The following COP1 variants were observed in gnomAD, a reference collection of about 807,000 sequenced individuals.
The protein encoded by COP1 is COP1 E3 ubiquitin ligase.
In COP1, 24 loss-of-function variants were observed where a neutral mutation model predicts 101.3. The observed-to-expected ratio is 0.24, with a 90% CI of 0.17 to 0.33. COP1 has a LOEUF of 0.33. Among genes scored for constraint, COP1 ranks in the 10% least tolerant of loss-of-function variants. The pLI, the probability that COP1 is intolerant of heterozygous loss-of-function variation, is 1.00. For synonymous variants in COP1, 347 were observed against 341.9 expected, an observed-to-expected ratio of 1.01 and a Z score of -0.17; for missense variants, 663 against 906.2, an observed-to-expected ratio of 0.73 and a Z score of 3.45.
chr1:176,093,622 G>A (rs1572188623), intron 9 of COP1, among the ~76,000 whole-genome samples: 2 of 152,154 alleles, frequency 1.3e-5, no homozygotes, highest in African/African-American at 4.8e-5. Context: ...GGCAGATCAC[G>A]AGGTCAGGAG....
chr1:176,144,222 A>G (rs977716365), intron 6 of COP1, among the ~76,000 whole-genome samples: 1 of 152,202 alleles, frequency 6.6e-6, no homozygotes, highest in African/African-American at 2.4e-5. Flanking sequence ...GAATCTACAA[A>G]TAAATTAGGA....
At chr1:175,971,834 T>C (rs4650931) in intron 18 of COP1, among the ~76,000 whole-genome samples, 149,969 of 152,274 alleles carry the variant, frequency 0.98, 73,901 homozygotes, top group East Asian at 1. Context: ...GAACCCTGGC[T>C]TATTATCTAA....
At chr1:175,991,258 A>G (rs932833264) in intron 15 of COP1, among the ~76,000 whole-genome samples, 3 of 152,174 alleles carry the variant, frequency 2.0e-5, no homozygotes, top group African/African-American at 7.2e-5. Flanking sequence ...GGAATAGCCT[A>G]TTGTGCTCCT....
intron 18 of COP1, among the ~76,000 whole-genome samples, chr1:175,956,063 A>C (rs1650612723): frequency 1.3e-5 from 2 of 152,192 alleles, no homozygotes; most frequent in African/African-American, 4.8e-5. Flanking sequence ...AGAAAAAATA[A>C]AACTAGGGAC....
intron 5 of COP1, among the ~76,000 whole-genome samples, chr1:176,155,049 T>G (rs1374543478): frequency 6.6e-6 from 1 of 152,144 alleles, no homozygotes; most frequent in Non-Finnish European, 1.5e-5. Flanking sequence ...GTTCATAAAA[T>G]GAGTGACTTA....
At chr1:176,098,289 C>T (rs1311523440) in intron 9 of COP1, among the ~76,000 whole-genome samples, 1 of 151,998 alleles carries the variant, frequency 6.6e-6, no homozygotes, top group Non-Finnish European at 1.5e-5. Context: ...CTAAGAGTTA[C>T]CATTATAATA....
At chr1:176,057,682 C>T (rs1673852875) in intron 11 of COP1, among the ~76,000 whole-genome samples, 1 of 152,196 alleles carries the variant, frequency 6.6e-6, no homozygotes, top group African/African-American at 2.4e-5. Flanking sequence ...TCTCGGCTCG[C>T]TACAACCTCC....
chr1:176,180,429 T>C (rs1451091768), intron 2 of COP1, among the ~76,000 whole-genome samples: 3 of 152,158 alleles, frequency 2.0e-5, no homozygotes, highest in Non-Finnish European at 2.9e-5. Flanking sequence ...GAAGGATAAG[T>C]ATCTAGATTA....
At chr1:176,195,098 G>A (rs982102339) in intron 1 of COP1, among the ~76,000 whole-genome samples, 2 of 138,152 alleles carry the variant, frequency 1.4e-5, no homozygotes, top group Admixed American at 1.5e-4. Context: ...AAGAAGAGAA[G>A]AGAAAAAGGA....
chr1:175,955,844 A>G (rs563452994), intron 18 of COP1, among the ~76,000 whole-genome samples: 3 of 150,660 alleles, frequency 2.0e-5, no homozygotes, highest in African/African-American at 7.3e-5. Flanking sequence ...TAGAGATGTT[A>G]AAGAATACCT....
intron 15 of COP1, among the ~76,000 whole-genome samples, chr1:176,011,545 T>C (rs1664675767): frequency 6.6e-6 from 1 of 152,218 alleles, no homozygotes; most frequent in African/African-American, 2.4e-5. Context: ...CCAGAGAGTA[T>C]GCTTATCATA....
chr1:176,033,545 T>A (rs1374562399), intron 14 of COP1, among the ~76,000 whole-genome samples: 1 of 152,170 alleles, frequency 6.6e-6, no homozygotes, highest in Non-Finnish European at 1.5e-5. Flanking sequence ...CTTTAAAGAA[T>A]GTGTTTAATT....
chr1:176,098,546 T>C (rs191884734), intron 9 of COP1, among the ~76,000 whole-genome samples: 34 of 152,324 alleles, frequency 2.2e-4, no homozygotes, highest in Admixed American at 1.8e-3. Flanking sequence ...CCAAAATAAA[T>C]TCTCTGTGTT....
At chr1:176,167,033 A>G (rs1280669855) in intron 3 of COP1, among the ~76,000 whole-genome samples, 2 of 152,230 alleles carry the variant, frequency 1.3e-5, no homozygotes, top group Admixed American at 6.5e-5. Flanking sequence ...ACTCAGCTTA[A>G]GTGTTTCCTC....
intron 2 of COP1, among the ~76,000 whole-genome samples, chr1:176,178,349 A>AAT (rs1553309291): frequency 5.1e-4 from 77 of 150,932 alleles, no homozygotes; most frequent in Admixed American, 1.7e-3. Flanking sequence ...AAAAAAAAAA[A>AAT]AATAATAATA....
chr1:176,098,823 C>T (rs1682878045), intron 9 of COP1, among the ~76,000 whole-genome samples: 2 of 152,152 alleles, frequency 1.3e-5, no homozygotes. Context: ...AATCAAACTT[C>T]AGTTTCAAAA....
chr1:176,136,017 A>G (rs568285266), intron 7 of COP1, among the ~76,000 whole-genome samples: 17 of 152,214 alleles, frequency 1.1e-4, no homozygotes, highest in South Asian at 1.0e-3. Context: ...ATAATACCCT[A>G]TAAGACTCCC....
chr1:176,183,894 T>C (rs1698106684), intron 2 of COP1, among the ~76,000 whole-genome samples: 1 of 152,016 alleles, frequency 6.6e-6, no homozygotes, highest in Non-Finnish European at 1.5e-5. Context: ...GTTAAATTAA[T>C]AGAAACAGAA....
At chr1:176,109,194 C>T (rs1684866936) in intron 9 of COP1, among the ~76,000 whole-genome samples, 1 of 152,022 alleles carries the variant, frequency 6.6e-6, no homozygotes, top group Non-Finnish European at 1.5e-5. Flanking sequence ...AATTATGACG[C>T]CTTTCTCAAT....
Sources: allele counts gnomAD v4.1 joint callset (sites outside exome capture counted in the v4.1 genomes callset), GRCh38; gene constraint gnomAD v4.1.1; transcripts MANE v1.5; gene names NCBI Gene and HGNC (gene_info 2026-07-23, HGNC 2026-07-21).